PLEKHA5: variants seen among roughly 807,000 people sequenced by gnomAD.
PLEKHA5 encodes the protein pleckstrin homology domain-containing family A member 5.
In PLEKHA5, 55 loss-of-function variants were observed where a neutral mutation model predicts 181.9. The observed-to-expected ratio is 0.30, with a 90% CI of 0.24 to 0.38. The LOEUF (loss-of-function observed/expected upper bound fraction) is 0.38, where lower values mean the gene tolerates loss of function less well. Among genes scored for constraint, PLEKHA5 ranks in the 10% least tolerant of loss-of-function variants. The pLI, the probability that PLEKHA5 is intolerant of heterozygous loss-of-function variation, is 1.00. For missense variants in PLEKHA5, 1,432 were observed against 1,549.5 expected (o/e 0.92, Z 1.27); for synonymous variants, 535 against 529.4 (o/e 1.01, Z -0.15).
At chr12:19,269,519 T>A (rs1485752367) in intron 8 of PLEKHA5, among the ~76,000 whole-genome samples, 1 of 151,666 alleles carries the variant, frequency 6.6e-6, no homozygotes, top group African/African-American at 2.4e-5. Flanking sequence ...TTTTTTTTTT[T>A]TATTTTTAAT....
chr12:19,300,123 C>A (rs183641801), intron 15 of PLEKHA5, among the ~76,000 whole-genome samples: 31 of 152,338 alleles, frequency 2.0e-4, no homozygotes, highest in Admixed American at 5.9e-4. Flanking sequence ...ACAGGCTCTG[C>A]AGCATATGGA....
At chr12:19,310,609 CAAAAAAA>C (rs5796796) in intron 15 of PLEKHA5, among the ~76,000 whole-genome samples, 1 of 111,962 alleles carries the variant, frequency 8.9e-6, no homozygotes, top group South Asian at 3.1e-4. Flanking sequence ...GACTCCCTCT[CAAAAAAA>C]AAAAAAAAAA....
chr12:19,367,567 TTTTTATTTTA>T (rs199571526), intron 30 of PLEKHA5, among the ~76,000 whole-genome samples: 1 of 151,208 alleles, frequency 6.6e-6, no homozygotes, highest in South Asian at 2.1e-4. Context: ...CTTTGCTTCT[TTTTTATTTTA>T]TTTTATTTTA....
chr12:19,358,909 T>C (rs1164504369), intron 27 of PLEKHA5, among the ~76,000 whole-genome samples: 1 of 152,214 alleles, frequency 6.6e-6, no homozygotes, highest in Non-Finnish European at 1.5e-5. Context: ...ACTTCAGGCT[T>C]ATAAAGTGAT....
chr12:19,354,429 AG>A (rs1322674573), intron 26 of PLEKHA5, among the ~76,000 whole-genome samples: 1 of 146,144 alleles, frequency 6.8e-6, no homozygotes, highest in African/African-American at 2.5e-5. Context: ...CTGGGATTAC[AG>A]GTGTGAGCCA....
intron 14 of PLEKHA5, among the ~76,000 whole-genome samples, chr12:19,291,404 C>A (rs2078410370): frequency 6.6e-6 from 1 of 152,132 alleles, no homozygotes; most frequent in South Asian, 2.1e-4. Flanking sequence ...AGGAATTTTT[C>A]TGCTTAATAG....
At chr12:19,196,645 A>G (rs946280234) in intron 3 of PLEKHA5, among the ~76,000 whole-genome samples, 3 of 152,160 alleles carry the variant, frequency 2.0e-5, no homozygotes, top group Non-Finnish European at 2.9e-5. Context: ...CCTCATACAC[A>G]GTATGAATAG....
Position 19,130,448 on chromosome 12 carries a change from C to G in PLEKHA5, c.169+318C>G, listed in dbSNP as rs1009427109. Among the ~76,000 whole-genome samples the G allele has an allele frequency of 4.0e-5, 6 of 151,818 alleles. No individual in the cohort carries two copies. The highest frequency in any genetic ancestry group is 2.6e-4 in the Admixed American group (4 of 15,248). ...AGTGGCGACGCTCCCCTCCCTGAAA[C>G]CTGGAGTCCTGAGTTTTTCCTCCGC... is the stretch of plus-strand genomic sequence containing the variant. On this transcript the variant is annotated intron_variant, in intron 2 of 31. Coordinates refer to ENST00000429027, the MANE Select transcript of PLEKHA5 (RefSeq NM_001256470.2). The surrounding 1 kb of genome is among the most constrained non-coding windows in gnomAD (Gnocchi z 4.5).
intron 3 of PLEKHA5, among the ~76,000 whole-genome samples, chr12:19,142,627 AC>A (rs2037721223): frequency 6.6e-6 from 1 of 152,192 alleles, no homozygotes; most frequent in Admixed American, 6.6e-5. Flanking sequence ...TGTAAGGTGT[AC>A]ATGTTTGATG....
At chr12:19,200,746 C>T (rs917032766) in intron 3 of PLEKHA5, 25 of 832,222 alleles carry the variant, frequency 3.0e-5, no homozygotes, top group Admixed American at 6.0e-5. Flanking sequence ...AAGGAATTCA[C>T]TGGGGGAAAA....
chr12:19,145,753 A>G (rs1485391270), intron 3 of PLEKHA5, among the ~76,000 whole-genome samples: 1 of 152,090 alleles, frequency 6.6e-6, no homozygotes. Flanking sequence ...TCACATGCAA[A>G]TATTTTTATA....
intron 3 of PLEKHA5, among the ~76,000 whole-genome samples, chr12:19,233,427 A>G (rs1285655128): frequency 6.6e-6 from 1 of 152,336 alleles, no homozygotes; most frequent in East Asian, 1.9e-4. Flanking sequence ...TAGGTACTGT[A>G]TGGAAAAGAG....
At chr12:19,305,558 CAA>C (rs35582080) in intron 15 of PLEKHA5, among the ~76,000 whole-genome samples, 206 of 117,374 alleles carry the variant, frequency 1.8e-3, no homozygotes, top group Middle Eastern at 4.5e-3. Context: ...GACTGTGTCT[CAA>C]AAAAAAAAAA....
At chr12:19,146,054 T>G (rs1231736143) in intron 3 of PLEKHA5, among the ~76,000 whole-genome samples, 1 of 152,208 alleles carries the variant, frequency 6.6e-6, no homozygotes, top group East Asian at 1.9e-4. Flanking sequence ...CTTCTTAAAC[T>G]CCTCTGAGAA....
intron 14 of PLEKHA5, among the ~76,000 whole-genome samples, chr12:19,291,238 CTT>C (rs1388008262): frequency 6.6e-6 from 1 of 151,978 alleles, no homozygotes; most frequent in African/African-American, 2.4e-5. Flanking sequence ...TTTAAAATGT[CTT>C]ATTTTTAATG....
rs755207148 is a variant in PLEKHA5, at chr12:19,287,496, G to A, written c.1803G>A (p.Arg601=). ...AGCATGTCTATGTGCCTGACAGAAG[G>A]TCAGTGCCAGCTGGCCTGACTTTAC... ...HPKHVYVPDR[R]SVPAGLTLQS... Residue 601 remains arginine (R), a synonymous_variant, in exon 13 of 32, where the codon AGG becomes AGA. Coordinates refer to ENST00000429027, the MANE Select transcript of PLEKHA5 (RefSeq NM_001256470.2). The A allele has an allele frequency of 6.2e-7, 1 of 1,611,078 alleles. No homozygotes were observed. The highest frequency in any genetic ancestry group is 8.5e-7 in the Non-Finnish European group (1 of 1,177,874).
intron 3 of PLEKHA5, among the ~76,000 whole-genome samples, chr12:19,231,727 G>A (rs1256203288): frequency 2.0e-5 from 3 of 150,764 alleles, no homozygotes; most frequent in Non-Finnish European, 4.4e-5. Flanking sequence ...TCTTTCATAA[G>A]GCACAAATTT....
intron 12 of PLEKHA5, among the ~76,000 whole-genome samples, chr12:19,285,069 G>A (rs10466782): frequency 0.066 from 9,994 of 152,194 alleles, 560 homozygotes; most frequent in East Asian, 0.19. Flanking sequence ...CATTTGTTAA[G>A]ATTAATAGAT....
chr12:19,322,874 A>T (rs2091212346), intron 20 of PLEKHA5, among the ~76,000 whole-genome samples: 2 of 152,108 alleles, frequency 1.3e-5, no homozygotes, highest in Admixed American at 1.3e-4. Flanking sequence ...TACTTATGAG[A>T]CAAGGTCTCA....
Sources: allele counts gnomAD v4.1 joint callset (sites outside exome capture counted in the v4.1 genomes callset), GRCh38; gene constraint gnomAD v4.1.1; non-coding constraint Gnocchi (gnomAD v3.1); transcripts MANE v1.5; gene names NCBI Gene and HGNC (gene_info 2026-07-23, HGNC 2026-07-21).